The following HEPHL1 variants were observed in gnomAD, a reference collection of about 807,000 sequenced individuals.
HEPHL1 encodes the protein hephaestin like 1, also known as ferroxidase HEPHL1.
In HEPHL1, 123 loss-of-function variants were observed where a neutral mutation model predicts 122.0. That is an observed-to-expected ratio of 1.01 (90% CI 0.87 to 1.17). The LOEUF (loss-of-function observed/expected upper bound fraction) is 1.17. Ranked by LOEUF, HEPHL1 falls within the 50% of genes most tolerant of loss-of-function variation. HEPHL1 has a pLI of 0.00. For missense variants in HEPHL1, 1,452 were observed against 1,430.5 expected (o/e 1.01, Z -0.24); for synonymous variants, 527 against 508.9 (o/e 1.04, Z -0.48).
intron 1 of HEPHL1, among the ~76,000 whole-genome samples, chr11:94,026,434 G>A (rs770846873): frequency 6.6e-6 from 1 of 152,162 alleles, no homozygotes; most frequent in Non-Finnish European, 1.5e-5. Context: ...AATATTGCAA[G>A]GCAGCTGGCA....
chr11:94,061,448 G>A (rs1945984593), intron 2 of HEPHL1, among the ~76,000 whole-genome samples: 1 of 152,138 alleles, frequency 6.6e-6, no homozygotes, highest in Non-Finnish European at 1.5e-5. Flanking sequence ...TGGAAAAGTG[G>A]ACTGAAAAAG....
At chr11:94,026,002 A>G (rs1228218187) in intron 1 of HEPHL1, among the ~76,000 whole-genome samples, 1 of 152,208 alleles carries the variant, frequency 6.6e-6, no homozygotes, top group Non-Finnish European at 1.5e-5. Flanking sequence ...AGGATTTTGT[A>G]TTCATTTGTA....
chr11:94,110,801 T>A (rs1318582825), intron 17 of HEPHL1, 102 bp from the exon 18 acceptor site: 5 of 865,322 alleles, frequency 5.8e-6, no homozygotes, highest in Non-Finnish European at 7.0e-6. Flanking sequence ...ATGTCCTTCC[T>A]TTTGCTTACT....
chr11:94,075,622 T>C (rs1387704641), intron 9 of HEPHL1, among the ~76,000 whole-genome samples: 1 of 152,152 alleles, frequency 6.6e-6, no homozygotes. Flanking sequence ...TGGTTAGGAT[T>C]TGGCAGGCCT....
intron 2 of HEPHL1, chr11:94,055,672 C>G: frequency 2.6e-6 from 1 of 389,126 alleles, no homozygotes; most frequent in South Asian, 2.1e-5. Flanking sequence ...AGGAAGCTGG[C>G]TAGTGACAGG....
intron 5 of HEPHL1, among the ~76,000 whole-genome samples, chr11:94,069,458 G>T (rs1946058022): frequency 6.6e-6 from 1 of 151,882 alleles, no homozygotes; most frequent in Admixed American, 6.6e-5. Context: ...TTCCATAATA[G>T]AAATATTTTA....
chr11:94,045,932 T>G lies in HEPHL1; in HGVS notation c.415+15T>G. On this transcript the variant is annotated intron_variant, in intron 2 of 19. Coordinates refer to ENST00000315765, the MANE Select transcript of HEPHL1 (RefSeq NM_001098672.2). ...AGATTCAGAAGGTAAATATCAATCC[T>G]TTATTACTGGGGTCTTGTCTCTATT... The G allele has an allele frequency of 6.2e-7, 1 of 1,611,528 alleles. No homozygotes were observed. Among genetic ancestry groups the G allele is most frequent in the Non-Finnish European group, 8.5e-7 (1 of 1,178,584 alleles).
chr11:94,102,115 G>T (rs951407115), intron 14 of HEPHL1, among the ~76,000 whole-genome samples: 2 of 152,144 alleles, frequency 1.3e-5, no homozygotes, highest in Admixed American at 1.3e-4. Context: ...CACTGTCTGT[G>T]GTTTCAAGCA....
chr11:94,029,701 C>T (rs1381185227), intron 1 of HEPHL1, among the ~76,000 whole-genome samples: 1 of 152,178 alleles, frequency 6.6e-6, no homozygotes, highest in Non-Finnish European at 1.5e-5. Context: ...TGACTATTGG[C>T]TGTATAGGTG....
intron 13 of HEPHL1, among the ~76,000 whole-genome samples, chr11:94,100,577 C>T (rs1432355039): frequency 6.6e-6 from 1 of 152,224 alleles, no homozygotes; most frequent in African/African-American, 2.4e-5. Flanking sequence ...TTTGTGAAGT[C>T]ACTATATTAA....
chr11:94,110,725 G>T (rs1946441413), intron 17 of HEPHL1, among the ~76,000 whole-genome samples, 178 bp from the exon 18 acceptor site: 1 of 152,162 alleles, frequency 6.6e-6, no homozygotes, highest in Admixed American at 6.5e-5. Flanking sequence ...TCTGTTCAAA[G>T]AATCAGTTTT....
In HEPHL1 at chr11:94,045,873, ACT is replaced by A; in HGVS notation, c.376_377del (p.Leu126AlafsTer27). The A allele has an allele frequency of 5.0e-6, 8 of 1,613,634 alleles. No individual in the cohort carries two copies. The highest frequency in any genetic ancestry group is 6.8e-6 in the Non-Finnish European group (8 of 1,179,772). On this transcript the variant is annotated frameshift_variant, in exon 2 of 20. Coordinates refer to ENST00000315765, the MANE Select transcript of HEPHL1 (RefSeq NM_001098672.2). LOFTEE classifies it high-confidence loss of function. ...TTAAAGAACTTTGCTTCTCGACCTT[ACT>A]CTCTGCATCCACATGGCGTTTTCTA...
chr11:94,038,040 T>C (rs1286238132), intron 1 of HEPHL1, among the ~76,000 whole-genome samples: 2 of 146,616 alleles, frequency 1.4e-5, no homozygotes, highest in Non-Finnish European at 3.0e-5. Flanking sequence ...CTGATGGAGC[T>C]GAAAACCAAG....
intron 4 of HEPHL1, among the ~76,000 whole-genome samples, chr11:94,066,441 C>A (rs1946034857): frequency 6.6e-6 from 1 of 152,022 alleles, no homozygotes; most frequent in African/African-American, 2.4e-5. Context: ...GTAATCTCAG[C>A]TACTGGGGAG....
chr11:94,106,026 C>A lies in HEPHL1; in HGVS notation c.2941C>A (p.Leu981Ile). 6.3e-7 allele frequency: 1 copy of A among 1,598,546 alleles called. No homozygotes were observed. The highest frequency in any genetic ancestry group is 8.6e-7 in the Non-Finnish European group (1 of 1,169,478). Reference protein sequence around the residue: ...NGKIFGNLHGLIMNEDTMTNW... With the variant: ...NGKIFGNLHGIIMNEDTMTNW... The stretch of plus-strand genomic sequence containing the variant: ...AAAGATTTTTGGGAATCTCCATGGC[C>A]TCATAATGAACGAAGATACAATGAC... Residue 981 changes from leucine (L) to isoleucine (I), a missense_variant, in exon 17 of 20, where the codon CTC becomes ATC. Coordinates refer to ENST00000315765, the MANE Select transcript of HEPHL1 (RefSeq NM_001098672.2).
intron 13 of HEPHL1, among the ~76,000 whole-genome samples, chr11:94,094,451 A>G (rs1479443411): frequency 6.6e-6 from 1 of 152,214 alleles, no homozygotes; most frequent in South Asian, 2.1e-4. Context: ...TAGTGCCACA[A>G]TAAACATACA....
intron 2 of HEPHL1, among the ~76,000 whole-genome samples, chr11:94,061,881 A>G (rs1477376660): frequency 1.3e-5 from 2 of 152,108 alleles, no homozygotes; most frequent in Non-Finnish European, 2.9e-5. Flanking sequence ...GTACTAGCAA[A>G]AAGTTCCTTT....
Position 94,114,023 on chromosome 11 carries a change from C to G in HEPHL1, c.*2129C>G, listed in dbSNP as rs115539851. On this transcript the variant is annotated 3_prime_UTR_variant, in exon 20 of 20. Coordinates refer to ENST00000315765, the MANE Select transcript of HEPHL1 (RefSeq NM_001098672.2). The stretch of plus-strand genomic sequence containing the variant: ...ACATATTTCTTCCTATTACAATACA[C>G]GTGTCCCTGCTCCTAGCAGGACAGT... 6.6e-6 allele frequency among the ~76,000 whole-genome samples: 1 copy of G among 152,318 alleles called. No individual in the cohort carries two copies. Among genetic ancestry groups the G allele is most frequent in the African/African-American group, 2.4e-5 (1 of 41,568 alleles).
At chr11:94,082,674 T>C in intron 10 of HEPHL1, 106 bp downstream of exon 10, 2 of 1,062,564 alleles carry the variant, frequency 1.9e-6, no homozygotes, top group Non-Finnish European at 2.7e-6. Flanking sequence ...TTGGATATTG[T>C]TCTTGGTCAT....
Sources: allele counts gnomAD v4.1 joint callset (sites outside exome capture counted in the v4.1 genomes callset), GRCh38; gene constraint gnomAD v4.1.1; transcripts MANE v1.5; gene names NCBI Gene and HGNC (gene_info 2026-07-23, HGNC 2026-07-21).